SORCS2: variants seen among roughly 807,000 people sequenced by gnomAD.
SORCS2 encodes the protein VPS10 domain-containing receptor SorCS2.
A neutral mutation model predicts 141.6 loss-of-function variants in SORCS2; 100 were observed. That is an observed-to-expected ratio of 0.71 (90% CI 0.60 to 0.83). The LOEUF (loss-of-function observed/expected upper bound fraction) is 0.83. Ranked by LOEUF, SORCS2 falls within the 40% of genes least tolerant of loss-of-function variation. The pLI, the probability that SORCS2 is intolerant of heterozygous loss-of-function variation, is 0.00. For synonymous variants in SORCS2, 789 were observed against 676.9 expected, an observed-to-expected ratio of 1.17 and a Z score of -2.57; for missense variants, 1,646 against 1,560.2, an observed-to-expected ratio of 1.05 and a Z score of -0.93.
At chr4:7,524,655 C>T (rs1005839973) in intron 2 of SORCS2, among the ~76,000 whole-genome samples, 3 of 151,918 alleles carry the variant, frequency 2.0e-5, no homozygotes, top group South Asian at 4.1e-4. Context: ...TAAGCAGCGC[C>T]GCCGCCCTTG....
chr4:7,620,831 C>G (rs1254021155), intron 3 of SORCS2, among the ~76,000 whole-genome samples: 25 of 152,190 alleles, frequency 1.6e-4, no homozygotes. Flanking sequence ...CTCCCCTGCA[C>G]TCAGGGCATT....
chr4:7,289,997 C>A (rs1445778496), intron 1 of SORCS2, among the ~76,000 whole-genome samples: 1 of 152,194 alleles, frequency 6.6e-6, no homozygotes, highest in Non-Finnish European at 1.5e-5. Context: ...TTGGCCTTGG[C>A]ACTCCCAGGC....
chr4:7,212,953 A>T (rs976462624), intron 1 of SORCS2, among the ~76,000 whole-genome samples: 1 of 152,180 alleles, frequency 6.6e-6, no homozygotes, highest in Non-Finnish European at 1.5e-5. Context: ...GGGGGGAACA[A>T]CCCGTGGCCA....
chr4:7,707,695 G>A (rs954683473), intron 14 of SORCS2, among the ~76,000 whole-genome samples: 2 of 152,338 alleles, frequency 1.3e-5, no homozygotes, highest in Non-Finnish European at 2.9e-5. Flanking sequence ...TCACTGGTGC[G>A]TCCCCAGGCC....
intron 2 of SORCS2, chr4:7,432,133 C>G (rs990678316): frequency 1.3e-5 from 2 of 152,362 alleles, no homozygotes; most frequent in African/African-American, 4.8e-5. Flanking sequence ...GATGGAAACC[C>G]CCCCCGGAGG....
chr4:7,688,520 A>C (rs1032529946), intron 10 of SORCS2, among the ~76,000 whole-genome samples: 2 of 152,198 alleles, frequency 1.3e-5, no homozygotes, highest in African/African-American at 4.8e-5. Flanking sequence ...TGCCATAGTA[A>C]TCCAATATCC....
chr4:7,711,141 T>G (rs543439941), intron 14 of SORCS2, among the ~76,000 whole-genome samples: 1 of 152,216 alleles, frequency 6.6e-6, no homozygotes, highest in South Asian at 2.1e-4. Context: ...GGCTTAGGGT[T>G]TCATCAAACA....
intron 2 of SORCS2, among the ~76,000 whole-genome samples, chr4:7,508,037 G>A (rs147210312): frequency 0.011 from 1,673 of 152,126 alleles, 36 homozygotes; most frequent in African/African-American, 0.039. Flanking sequence ...CTCACGACGG[G>A]TACAGGTGCA....
At chr4:7,215,203 TG>T (rs1284137833) in intron 1 of SORCS2, among the ~76,000 whole-genome samples, 1 of 152,132 alleles carries the variant, frequency 6.6e-6, no homozygotes, top group Admixed American at 6.5e-5. Flanking sequence ...GGCGTGGGCT[TG>T]GAGGGCCCTG....
chr4:7,447,026 C>T (rs1020821319), intron 2 of SORCS2, among the ~76,000 whole-genome samples: 3 of 152,210 alleles, frequency 2.0e-5, no homozygotes, highest in Non-Finnish European at 4.4e-5. Context: ...CCGGGGCTGG[C>T]TCTCCCAGCA....
At chr4:7,222,739 G>T (rs1278303089) in intron 1 of SORCS2, among the ~76,000 whole-genome samples, 2 of 152,112 alleles carry the variant, frequency 1.3e-5, no homozygotes, top group Non-Finnish European at 2.9e-5. Flanking sequence ...GGAGGATCTG[G>T]AAAGGGCAGG....
chr4:7,689,498 C>T lies in SORCS2; in HGVS notation c.1501C>T (p.Leu501=). The T allele has an allele frequency of 6.3e-7, 1 of 1,595,690 alleles. No homozygotes were observed. Among genetic ancestry groups the T allele is most frequent in the South Asian group, 1.1e-5 (1 of 87,936 alleles). The change falls in exon 11 of 27, where the codon CTG becomes TTG. Residue 501 remains leucine, a synonymous_variant. Transcript: ENST00000507866. ...CTCTTCCTTGCAGCCAGACTGCCAC[C>T]TGCACCTGCACCTGCGCTGGGCAGA... The part of the protein sequence containing the change: ...PTNCKPPDCH[L]HLHLRWADNP...
At chr4:7,366,828 T>G (rs1459631010) in intron 1 of SORCS2, among the ~76,000 whole-genome samples, 1 of 152,224 alleles carries the variant, frequency 6.6e-6, no homozygotes, top group Non-Finnish European at 1.5e-5. Context: ...AGTGTGTCCC[T>G]GGCTCACAGC....
At chr4:7,399,869 C>T (rs549959117) in intron 2 of SORCS2, among the ~76,000 whole-genome samples, 5 of 152,100 alleles carry the variant, frequency 3.3e-5, no homozygotes, top group East Asian at 1.9e-4. Flanking sequence ...AGGTTTTCCC[C>T]GGGAGAGGAT....
At chr4:7,270,401 G>A (rs890437886) in intron 1 of SORCS2, among the ~76,000 whole-genome samples, 5 of 152,212 alleles carry the variant, frequency 3.3e-5, no homozygotes, top group African/African-American at 4.8e-5. Flanking sequence ...CCCCGGCTCC[G>A]GGAAGCCACC....
chr4:7,480,887 T>G lies in SORCS2; in HGVS notation c.549-50643T>G, dbSNP rs115713401. Among the ~76,000 whole-genome samples, 341 of 152,322 alleles carry G rather than the reference T, an allele frequency of 2.2e-3. 1 individual carries two copies. Among genetic ancestry groups the G allele is most frequent in the Non-Finnish European group, 3.7e-3 (251 of 68,032 alleles). On this transcript the variant is annotated intron_variant, in intron 2 of 26. Transcript: ENST00000507866. ...TGGGTTCACAGTCTTGATATTTCAT[T>G]GACGAAATGAGTGTTCCCTTTTCTG...
chr4:7,227,275 G>A (rs1253320668), intron 1 of SORCS2, among the ~76,000 whole-genome samples: 8 of 152,226 alleles, frequency 5.3e-5, no homozygotes, highest in Non-Finnish European at 8.8e-5. Flanking sequence ...GCAGCCTGAG[G>A]CCTGGCTGAG....
chr4:7,570,214 C>T (rs1715294174), intron 3 of SORCS2, among the ~76,000 whole-genome samples: 2 of 152,218 alleles, frequency 1.3e-5, no homozygotes, highest in Admixed American at 1.3e-4. Context: ...CGCAGCCCGT[C>T]TGCTGTGGAG....
At chr4:7,737,925 C>T (rs767610839) in intron 26 of SORCS2, among the ~76,000 whole-genome samples, 20 of 152,232 alleles carry the variant, frequency 1.3e-4, no homozygotes, top group Admixed American at 3.3e-4. Context: ...CCTGGACCAT[C>T]GACCGGGACA....
Sources: allele counts gnomAD v4.1 joint callset (sites outside exome capture counted in the v4.1 genomes callset), GRCh38; gene constraint gnomAD v4.1.1; transcripts MANE v1.5; gene names NCBI Gene and HGNC (gene_info 2026-07-23, HGNC 2026-07-21).